Variants in MBD5 observed in about 807,000 individuals in gnomAD.
MBD5 encodes the protein methyl-CpG binding domain protein 5.
A neutral mutation model predicts 117.3 loss-of-function variants in MBD5; 13 were observed. The observed-to-expected ratio is 0.11, with a 90% CI of 0.07 to 0.18. MBD5 has a LOEUF of 0.18. Ranked by LOEUF, MBD5 falls within the 10% of genes least tolerant of loss-of-function variation. The probability of loss-of-function intolerance (pLI) is 1.00; values close to 1 mark genes in which losing one functional copy is unlikely to be tolerated. For synonymous variants in MBD5, 727 were observed against 766.4 expected (o/e 0.95, Z 0.85); for missense variants, 1,879 against 2,093.8 (o/e 0.90, Z 2.00).
At chr2:148,200,692 C>CAAA (rs770296644) in intron 2 of MBD5, among the ~76,000 whole-genome samples, 4 of 57,734 alleles carry the variant, frequency 6.9e-5, no homozygotes, top group Admixed American at 2.0e-4. Context: ...GACTCTATCT[C>CAAA]AAAAAAAAAA....
chr2:148,106,930 A>T (rs1037192752), intron 1 of MBD5, among the ~76,000 whole-genome samples: 1 of 151,980 alleles, frequency 6.6e-6, no homozygotes, highest in Non-Finnish European at 1.5e-5. Context: ...GTTTACTCAC[A>T]TATTTATCAT....
intron 5 of MBD5, among the ~76,000 whole-genome samples, chr2:148,459,738 T>C (rs1385057567): frequency 6.6e-6 from 1 of 152,206 alleles, no homozygotes; most frequent in Non-Finnish European, 1.5e-5. Flanking sequence ...AATGTATTCA[T>C]AGAAATGAGA....
intron 3 of MBD5, among the ~76,000 whole-genome samples, chr2:148,285,635 CA>C (rs1343430336): frequency 4.6e-5 from 7 of 152,158 alleles, no homozygotes; most frequent in Admixed American, 1.3e-4. Flanking sequence ...CATTGAAATC[CA>C]GATTTTACTG....
intron 1 of MBD5, among the ~76,000 whole-genome samples, chr2:148,102,916 T>C (rs1183863369): frequency 6.6e-6 from 1 of 152,036 alleles, no homozygotes; most frequent in African/African-American, 2.4e-5. Flanking sequence ...TTTAGCTCTT[T>C]GTTATGACCA....
intron 3 of MBD5, among the ~76,000 whole-genome samples, chr2:148,331,474 A>G (rs577000923): frequency 8.3e-4 from 126 of 152,230 alleles, no homozygotes; most frequent in African/African-American, 3.0e-3. Context: ...AAAACACAAA[A>G]CATCCAGTGT....
At chr2:148,162,774 A>C (rs758699274) in intron 1 of MBD5, among the ~76,000 whole-genome samples, 8 of 152,236 alleles carry the variant, frequency 5.3e-5, no homozygotes, top group Non-Finnish European at 1.0e-4. Context: ...ATGGAGATCT[A>C]TAGTCTAAAC....
At chr2:148,416,057 A>G (rs1705407850) in intron 4 of MBD5, among the ~76,000 whole-genome samples, 1 of 152,158 alleles carries the variant, frequency 6.6e-6, no homozygotes. Flanking sequence ...TTGAGTTACC[A>G]GAGTTCTTGC....
chr2:148,462,453 C>T (rs1707118662), intron 5 of MBD5, 129 bp from the exon 6 acceptor site: 1 of 681,092 alleles, frequency 1.5e-6, no homozygotes, highest in East Asian at 2.7e-5. Context: ...ATAATATTGA[C>T]AAAGAAAATG....
At chr2:148,051,409 CTTTT>C (rs764027592) in intron 1 of MBD5, among the ~76,000 whole-genome samples, 1 of 137,354 alleles carries the variant, frequency 7.3e-6, no homozygotes, top group African/African-American at 2.7e-5. Context: ...TTCTGTTTTT[CTTTT>C]TTTTTTTTCG....
rs1681441983 is a variant in MBD5 at position 148,489,375 on chromosome 2, A to G, written c.3754-11A>G. On this transcript the variant is annotated splice_polypyrimidine_tract_variant and intron_variant, in intron 10 of 13. Transcript: ENST00000642680. ...CCCTTTCTCTCACTGCTTCCTGTCT[A>G]TTTCTTCAAGGTGAGAATGCAGGAA... 3.7e-6 allele frequency: 6 copies of G among 1,613,870 alleles called. No individual in the cohort carries two copies. The highest frequency in any genetic ancestry group is 1.1e-5 in the South Asian group (1 of 91,068).
intron 1 of MBD5, among the ~76,000 whole-genome samples, chr2:148,099,152 A>C (rs1297240766): frequency 1.3e-5 from 2 of 152,204 alleles, no homozygotes; most frequent in Admixed American, 6.5e-5. Context: ...CAAGACAAAG[A>C]AATAAAAGTT....
intron 1 of MBD5, among the ~76,000 whole-genome samples, chr2:148,037,189 A>G (rs1162075766): frequency 2.6e-5 from 4 of 152,022 alleles, no homozygotes; most frequent in Non-Finnish European, 5.9e-5. Context: ...CTTTTATTGT[A>G]GAAAACTAAA....
intron 1 of MBD5, among the ~76,000 whole-genome samples, chr2:148,124,873 A>C (rs933852833): frequency 6.6e-6 from 1 of 151,634 alleles, no homozygotes; most frequent in Non-Finnish European, 1.5e-5. Flanking sequence ...ATAGTTATAC[A>C]TAAAGAATAA....
chr2:148,055,885 G>GATA (rs934607984), intron 1 of MBD5: 3 of 152,140 alleles, frequency 2.0e-5, no homozygotes, highest in Non-Finnish European at 4.4e-5. Flanking sequence ...TGTAAGTTTA[G>GATA]ATAAGTCTTG....
At chr2:148,257,558 C>T (rs954129625) in intron 3 of MBD5, among the ~76,000 whole-genome samples, 5 of 152,150 alleles carry the variant, frequency 3.3e-5, no homozygotes, top group East Asian at 1.9e-4. Flanking sequence ...GATTTGTTGA[C>T]GGCCCAACTG....
chr2:148,355,810 T>C (rs1417256158), intron 4 of MBD5, among the ~76,000 whole-genome samples: 1 of 152,246 alleles, frequency 6.6e-6, no homozygotes, highest in Admixed American at 6.5e-5. Context: ...TTTCTAATTC[T>C]GTGAAGAAAG....
rs1680681539 is a variant in MBD5, at chr2:148,468,814, A to G, written c.871A>G (p.Met291Val). ...HGSPVQSSCA[M>V]AGRTNIPLSP... is the part of the protein sequence containing the mutation. ...TTCTCCTGTACAGTCATCCTGTGCA[A>G]TGGCTGGAAGGACTAATATACCTCT... is the stretch of plus-strand genomic sequence containing the variant. The change falls in exon 8 of 14, where the codon ATG becomes GTG. Residue 291 changes from methionine to valine, a missense_variant. Transcript: ENST00000642680. 1 of 1,613,814 alleles carries G rather than the reference A, an allele frequency of 6.2e-7. No individual in the cohort carries two copies. Among genetic ancestry groups the G allele is most frequent in the Non-Finnish European group, 8.5e-7 (1 of 1,179,838 alleles).
chr2:148,415,727 A>G (rs2105219017), intron 4 of MBD5, among the ~76,000 whole-genome samples: 1 of 152,098 alleles, frequency 6.6e-6, no homozygotes, highest in East Asian at 1.9e-4. Flanking sequence ...AAGCTCTGAG[A>G]TTCTTTCATC....
intron 1 of MBD5, among the ~76,000 whole-genome samples, chr2:148,137,475 A>G (rs553386900): frequency 2.0e-5 from 3 of 152,148 alleles, no homozygotes; most frequent in Admixed American, 2.0e-4. Context: ...AATCTTACCC[A>G]TCTGGCCAGG....
Sources: allele counts gnomAD v4.1 joint callset (sites outside exome capture counted in the v4.1 genomes callset), GRCh38; gene constraint gnomAD v4.1.1; transcripts MANE v1.5; gene names NCBI Gene and HGNC (gene_info 2026-07-23, HGNC 2026-07-21).